C1GALT1: variants seen among roughly 807,000 people sequenced by gnomAD.
The protein encoded by C1GALT1 is core 1 synthase, glycoprotein-N-acetylgalactosamine 3-beta-galactosyltransferase 1, also known as glycoprotein-N-acetylgalactosamine 3-beta-galactosyltransferase 1.
Under a neutral mutation model 31.0 loss-of-function variants are expected in C1GALT1, and 11 were observed. That is an observed-to-expected ratio of 0.36 (90% CI 0.22 to 0.59). C1GALT1 has a LOEUF of 0.59. Among genes scored for constraint, C1GALT1 ranks in the 20% least tolerant of loss-of-function variants. C1GALT1 has a pLI of 0.79. For missense variants in C1GALT1, 424 were observed against 425.2 expected (o/e 1.00, Z 0.03); for synonymous variants, 175 against 143.6 (o/e 1.22, Z -1.56).
Position 7,238,600 on chromosome 7 carries a change from A to C in C1GALT1, c.566A>C (p.Glu189Ala). 6.2e-7 allele frequency: 1 copy of C among 1,614,120 alleles called. No individual in the cohort carries two copies. Among genetic ancestry groups the C allele is most frequent in the Non-Finnish European group, 8.5e-7 (1 of 1,179,984 alleles). Residue 189 changes from glutamate (E) to alanine (A), a missense_variant, in exon 3 of 4, where the codon GAA (glutamate) becomes GCA (alanine). Glu to Ala is a moderately radical substitution (Grantham distance 107, BLOSUM62 -1). Around this residue, in one of 3 missense-constraint regions of C1GALT1, gnomAD observed 44 missense variants for 78.3 expected, o/e 0.56. Coordinates refer to ENST00000436587, the MANE Select transcript of C1GALT1 (RefSeq NM_020156.5). This position sits in a 1 kb window ranked among gnomAD's most constrained non-coding sequence, Gnocchi z 5.2. Reference sequence around the variant, plus strand: ...TGGCTTCTTTCAAAATACGACCCTGAAGAACCCATTTACTTTGGGAGAAGA... The same window carrying C: ...TGGCTTCTTTCAAAATACGACCCTGCAGAACCCATTTACTTTGGGAGAAGA... ...LRWLLSKYDP[E>A]EPIYFGRRFK... is the part of the protein sequence containing the mutation.
intron 1 of C1GALT1, among the ~76,000 whole-genome samples, chr7:7,230,851 G>C (rs1447406754): frequency 6.6e-6 from 1 of 150,692 alleles, no homozygotes; most frequent in Non-Finnish European, 1.5e-5. Flanking sequence ...TATACTTTTT[G>C]ATGCCAGTTT....
intron 1 of C1GALT1, among the ~76,000 whole-genome samples, chr7:7,196,137 A>G (rs998495248): frequency 2.5e-4 from 38 of 152,232 alleles, no homozygotes; most frequent in African/African-American, 8.7e-4. Flanking sequence ...ATATGTATAC[A>G]TGTGTCATGT....
chr7:7,229,440 T>C (rs1322579588), intron 1 of C1GALT1, among the ~76,000 whole-genome samples: 1 of 152,198 alleles, frequency 6.6e-6, no homozygotes, highest in Non-Finnish European at 1.5e-5. Context: ...ATCTTTCATT[T>C]ACTTCTCTTG....
In C1GALT1 at chr7:7,247,261, A is replaced by G. The variant is rs1175519954; in HGVS notation, c.*3534A>G. ...ATTTCATGATGATGATGTATTCACT[A>G]TCTTTTAGATTAAGATCTTTGTTAT... On this transcript the variant is annotated 3_prime_UTR_variant, in exon 4 of 4. Coordinates refer to ENST00000436587, the MANE Select transcript of C1GALT1 (RefSeq NM_020156.5). 1.3e-5 allele frequency: 2 copies of G among 152,142 alleles called. No homozygotes were observed. Among genetic ancestry groups the G allele is most frequent in the African/African-American group, 2.4e-5 (1 of 41,452 alleles). The allele number at this position is 152,142 out of a possible 1,614,324, so 9.4% of individuals were successfully genotyped here.
intron 1 of C1GALT1, among the ~76,000 whole-genome samples, chr7:7,206,235 C>G (rs944234002): frequency 6.6e-6 from 1 of 151,624 alleles, no homozygotes; most frequent in African/African-American, 2.4e-5. Flanking sequence ...ATGTGGAGTT[C>G]CAAAGTTACA....
At position 7,168,470 on chromosome 7, in the gene C1GALT1, T is replaced by C. The variant is rs185876527; in HGVS notation, c.-18+11044T>C. Among the ~76,000 whole-genome samples the C allele has an allele frequency of 8.3e-4, 127 of 152,284 alleles. 1 individual carries two copies. In the South Asian group the frequency reaches 0.018, roughly 22 times the overall value. On this transcript the variant is annotated intron_variant, in intron 2 of 3. Transcript: ENST00000429911. ...ATGGGAAATGGGAAAGAGAACTAATTGGAAAAGTAAAAGGAAAGCCGTCAG... is the reference window on the plus strand; with the variant it reads ...ATGGGAAATGGGAAAGAGAACTAATCGGAAAAGTAAAAGGAAAGCCGTCAG...
rs908830910 is a variant in C1GALT1 at position 7,244,749 on chromosome 7, A to T, written c.*1022A>T. 2 of 152,180 alleles carry T rather than the reference A, an allele frequency of 1.3e-5. No homozygotes were observed. Among genetic ancestry groups the T allele is most frequent in the Admixed American group, 6.5e-5 (1 of 15,280 alleles). The allele number at this position is 152,180 out of a possible 1,614,324, so 9.4% of individuals were successfully genotyped here. ...AACTTGTTTAAAGCAGAGTTTTAAAATTAGTTTATAGGATCTGAGGTGGCT... is the reference window on the plus strand; with the variant it reads ...AACTTGTTTAAAGCAGAGTTTTAAATTTAGTTTATAGGATCTGAGGTGGCT... On this transcript the variant is annotated 3_prime_UTR_variant, in exon 4 of 4. Coordinates refer to ENST00000436587, the MANE Select transcript of C1GALT1 (RefSeq NM_020156.5).
In C1GALT1 at chr7:7,238,649, C is replaced by A; in HGVS notation, c.615C>A (p.Gly205=). ...GRRFKPYVKQ[G]YMSGGAGYVL... ...GATTTAAGCCTTATGTAAAGCAGGG[C>A]TACATGAGTGGAGGAGCAGGATATG... The change falls in exon 3 of 4, where the codon GGC becomes GGA. Residue 205 remains glycine (G), a synonymous_variant. Coordinates refer to ENST00000436587, the MANE Select transcript of C1GALT1 (RefSeq NM_020156.5). The surrounding 1 kb of genome is among the most constrained non-coding windows in gnomAD (Gnocchi z 5.2). 1 of 1,614,020 alleles carries A rather than the reference C, an allele frequency of 6.2e-7. No homozygotes were observed. The highest frequency in any genetic ancestry group is 1.3e-5 in the African/African-American group (1 of 75,012).
intron 2 of C1GALT1, among the ~76,000 whole-genome samples, chr7:7,174,037 T>C (rs1014277539): frequency 1.3e-5 from 2 of 152,182 alleles, no homozygotes; most frequent in Non-Finnish European, 2.9e-5. Flanking sequence ...TGGTGAGGGT[T>C]CTTTTCCTGG....
At chr7:7,162,038 G>A (rs1780338285) in intron 2 of C1GALT1, among the ~76,000 whole-genome samples, 2 of 150,706 alleles carry the variant, frequency 1.3e-5, no homozygotes, top group Non-Finnish European at 3.0e-5. Flanking sequence ...AGGCCTGATA[G>A]GTTGCACTGG....
chr7:7,190,831 C>G (rs1781039124), intron 1 of C1GALT1, among the ~76,000 whole-genome samples: 1 of 152,102 alleles, frequency 6.6e-6, no homozygotes, highest in African/African-American at 2.4e-5. Context: ...GTTTATTGGT[C>G]CAAAGTTTTA....
At chr7:7,201,957 C>T (rs990420543) in intron 1 of C1GALT1, among the ~76,000 whole-genome samples, 1 of 152,208 alleles carries the variant, frequency 6.6e-6, no homozygotes, top group African/African-American at 2.4e-5. Context: ...CAGCTCTCCC[C>T]AAGGGCCTCT....
upstream of C1GALT1, among the ~76,000 whole-genome samples, chr7:7,180,923 A>AAG (rs386409454): frequency 1.3e-4 from 19 of 151,796 alleles, no homozygotes; most frequent in East Asian, 3.9e-4. Flanking sequence ...AAAAAAAAAA[A>AAG]AGCTATTTTC....
Position 7,239,568 on chromosome 7 carries a change from G to A in C1GALT1, c.888+646G>A, listed in dbSNP as rs565294113. 3.9e-5 allele frequency among the ~76,000 whole-genome samples: 6 copies of A among 152,232 alleles called. 1 individual carries two copies. In the South Asian group the frequency reaches 1.2e-3, roughly 32 times the overall value. On this transcript the variant is annotated intron_variant, in intron 3 of 3. Coordinates refer to ENST00000436587, the MANE Select transcript of C1GALT1 (RefSeq NM_020156.5). The stretch of plus-strand genomic sequence containing the variant: ...GCTTCAGTTTCCTCATTTGTAAGAT[G>A]GACATAATGTACCTGTCTTATTTAG...
chr7:7,185,105 A>G (rs1271434475), intron 1 of C1GALT1, among the ~76,000 whole-genome samples: 2 of 152,206 alleles, frequency 1.3e-5, no homozygotes, highest in African/African-American at 4.8e-5. Flanking sequence ...AAAAAAATAT[A>G]TAAAGAAACT....
intron 2 of C1GALT1, among the ~76,000 whole-genome samples, chr7:7,175,905 T>C (rs1780501877): frequency 1.3e-5 from 2 of 152,228 alleles, no homozygotes; most frequent in Non-Finnish European, 1.5e-5. Context: ...ACCAGGTCTA[T>C]TGGATAAAAG....
intron 1 of C1GALT1, among the ~76,000 whole-genome samples, chr7:7,184,415 T>G (rs961615018): frequency 6.6e-6 from 1 of 152,188 alleles, no homozygotes; most frequent in Non-Finnish European, 1.5e-5. Context: ...CTATTTAAAG[T>G]TTTTCATAAT....
At chr7:7,161,263 T>C (rs574327962) in intron 2 of C1GALT1, among the ~76,000 whole-genome samples, 1 of 152,232 alleles carries the variant, frequency 6.6e-6, no homozygotes, top group Admixed American at 6.6e-5. Flanking sequence ...TCCAAATCTA[T>C]AAACTTGTGA....
intron 1 of C1GALT1, among the ~76,000 whole-genome samples, chr7:7,213,049 A>G (rs960701604): frequency 2.0e-5 from 3 of 152,222 alleles, no homozygotes; most frequent in Non-Finnish European, 1.5e-5. Flanking sequence ...TCCAAGCAAA[A>G]GTTAAAAAGT....
Sources: allele counts gnomAD v4.1 joint callset (sites outside exome capture counted in the v4.1 genomes callset), GRCh38; gene constraint gnomAD v4.1.1; regional missense constraint gnomAD v4.1.1; non-coding constraint Gnocchi (gnomAD v3.1); transcripts MANE v1.5; gene names NCBI Gene and HGNC (gene_info 2026-07-23, HGNC 2026-07-21).